UVSSA: variants seen among roughly 807,000 people sequenced by gnomAD.
The protein encoded by UVSSA is UV stimulated scaffold protein A.
Under a neutral mutation model 73.9 loss-of-function variants are expected in UVSSA, and 72 were observed. The ratio of observed to expected loss-of-function variants is 0.97; its 90% CI spans 0.81 to 1.19. The LOEUF (loss-of-function observed/expected upper bound fraction) is 1.19, where lower values mean the gene tolerates loss of function less well. Among genes scored for constraint, UVSSA ranks in the 50% most tolerant of loss-of-function variants. The probability of loss-of-function intolerance (pLI) is 0.00; values close to 1 mark genes in which losing one functional copy is unlikely to be tolerated. For missense variants in UVSSA, 1,150 were observed against 965.0 expected (o/e 1.19, Z -2.54); for synonymous variants, 454 against 391.3 (o/e 1.16, Z -1.89).
At chr4:1,361,731 C>T (rs1311057850) in intron 7 of UVSSA, among the ~76,000 whole-genome samples, 1 of 152,228 alleles carries the variant, frequency 6.6e-6, no homozygotes, top group Non-Finnish European at 1.5e-5. Context: ...TGACGACCAT[C>T]ACAGCTGAGC....
chr4:1,395,890 T>C, exon 14 of UVSSA: 1 of 1,594,796 alleles, frequency 6.3e-7, no homozygotes, highest in Non-Finnish European at 8.6e-7. Flanking sequence ...GAGGGTGTTT[T>C]TGTAAAATTG....
chr4:1,395,544 C>T (rs2109338679), exon 14 of UVSSA: 2 of 1,605,298 alleles, frequency 1.2e-6, no homozygotes, highest in East Asian at 2.2e-5. Context: ...CGCCTGCTCA[C>T]ACGTGCCCAT....
chr4:1,349,570 C>T lies in UVSSA; in HGVS notation c.145C>T (p.Gln49Ter), dbSNP rs753728742. Residue 49 changes from glutamine (Q) to a stop codon, truncating the protein, a stop_gained, in exon 3 of 14, where the codon CAG (glutamine) becomes TAG (stop). Coordinates refer to ENST00000389851, the MANE Select transcript of UVSSA (RefSeq NM_020894.4). LOFTEE classifies it high-confidence loss of function. ...LSRAYRLLIA[Q>*]LTQEHAEIRL... The stretch of plus-strand genomic sequence containing the variant: ...CCGCGCCTACCGCCTGCTGATAGCA[C>T]AGCTGACCCAGGAGCACGCCGAGAT... The T allele has an allele frequency of 6.2e-7, 1 of 1,614,036 alleles. No individual in the cohort carries two copies. Among genetic ancestry groups the T allele is most frequent in the South Asian group, 1.1e-5 (1 of 91,092 alleles).
intron 2 of UVSSA, 56 bp from the exon 3 acceptor site, chr4:1,349,468 C>G: frequency 6.4e-7 from 1 of 1,551,602 alleles, no homozygotes. Context: ...GGAGAGTCTC[C>G]CCCCGCCCAT....
In UVSSA at chr4:1,385,980, C is replaced by G. The variant is rs1314031289; in HGVS notation, c.*19C>G. The G allele has an allele frequency of 6.2e-7, 1 of 1,612,850 alleles. No individual in the cohort carries two copies. Among genetic ancestry groups the G allele is most frequent in the African/African-American group, 1.3e-5 (1 of 74,938 alleles). On this transcript the variant is annotated 3_prime_UTR_variant, in exon 14 of 14. Coordinates refer to ENST00000389851, the MANE Select transcript of UVSSA (RefSeq NM_020894.4). ...GAACTAGAGAGCGGGGCCCAGTGCACTGGCCATCAGCACTTTCTCCCTCTG... is the reference window on the plus strand; with the variant it reads ...GAACTAGAGAGCGGGGCCCAGTGCAGTGGCCATCAGCACTTTCTCCCTCTG...
In UVSSA at chr4:1,379,906, G is replaced by A. The variant is rs1217070944; in HGVS notation, c.1569-141G>A. ...AATTCAGACCCAGCCGGGAGTGACC[G>A]TGTTCTCCCTGGGTGCTGTCCACAG... On this transcript the variant is annotated intron_variant, in intron 10 of 13. Coordinates refer to ENST00000389851, the MANE Select transcript of UVSSA (RefSeq NM_020894.4). 36 of 629,096 alleles carry A rather than the reference G, an allele frequency of 5.7e-5. 1 individual carries two copies. Among genetic ancestry groups the A allele is most frequent in the African/African-American group, 2.9e-4 (6 of 20,588 alleles). The allele number at this position is 629,096 out of a possible 1,614,324, so 39.0% of individuals were successfully genotyped here. A position where few individuals can be genotyped will look rare whatever the true frequency, so the allele number is the denominator to read the frequency against.
rs138607842 is a variant in UVSSA at position 1,348,108 on chromosome 4, C to T, written c.17C>T (p.Ser6Leu). Residue 6 changes from serine to leucine, a missense_variant, in exon 2 of 14, where the codon TCG becomes TTG. By Grantham distance (145) the Ser-to-Leu change is moderately radical. Coordinates refer to ENST00000389851, the MANE Select transcript of UVSSA (RefSeq NM_020894.4). The stretch of plus-strand genomic sequence containing the variant: ...TTTCTAGATATGGATCAGAAACTTT[C>T]GAAGTTGGTAGAAGAGCTCACAACT... MDQKL[S>L]KLVEELTTSG... The T allele has an allele frequency of 1.0e-3, 1,607 of 1,613,478 alleles. 4 individuals carry two copies. Among genetic ancestry groups the T allele is most frequent in the Middle Eastern group, 9.9e-3 (60 of 6,060 alleles).
At chr4:1,354,298 G>A (rs1290459206) in intron 5 of UVSSA, among the ~76,000 whole-genome samples, 2 of 151,876 alleles carry the variant, frequency 1.3e-5, no homozygotes, top group Non-Finnish European at 2.9e-5. Context: ...CCACGGCAGG[G>A]CAGAACTGGA....
chr4:1,394,388 A>G (rs1720471403), exon 14 of UVSSA: 1 of 1,463,940 alleles, frequency 6.8e-7, no homozygotes, highest in Non-Finnish European at 9.3e-7. Context: ...TTCTTCTAGT[A>G]CTTTTATGGG....
rs139719436 is a variant in UVSSA, at chr4:1,355,156, C to T, written c.1087C>T (p.Arg363Cys). ...CGGGACCCACGGTGGATGTTTAAAGCGTGCCATTGACCTGAAGGCTGAATT... is the reference window on the plus strand; with the variant it reads ...CGGGACCCACGGTGGATGTTTAAAGTGTGCCATTGACCTGAAGGCTGAATT... The part of the protein sequence containing the change: ...RVGTHGGCLK[R>C]AIDLKAELEL... Residue 363 changes from arginine (R) to cysteine (C), a missense_variant, in exon 7 of 14, where the codon CGT (arginine) becomes TGT (cysteine). Coordinates refer to ENST00000389851, the MANE Select transcript of UVSSA (RefSeq NM_020894.4). 3.2e-4 allele frequency: 509 copies of T among 1,613,754 alleles called. No homozygotes were observed. Among genetic ancestry groups the T allele is most frequent in the Non-Finnish European group, 4.1e-4 (484 of 1,179,930 alleles).
intron 8 of UVSSA, among the ~76,000 whole-genome samples, chr4:1,369,529 T>C (rs1292852103): frequency 2.0e-5 from 3 of 152,274 alleles, no homozygotes; most frequent in African/African-American, 7.2e-5. Flanking sequence ...AACCGTGCTC[T>C]TTTTCTTTCT....
chr4:1,353,825 G>A (rs908786422), intron 5 of UVSSA, among the ~76,000 whole-genome samples: 7 of 152,206 alleles, frequency 4.6e-5, no homozygotes, highest in African/African-American at 1.2e-4. Context: ...GTCCCGTGTC[G>A]CCATGAGGGG....
intron 10 of UVSSA, among the ~76,000 whole-genome samples, chr4:1,376,806 C>T (rs1186811868): frequency 2.0e-5 from 3 of 152,206 alleles, no homozygotes; most frequent in Non-Finnish European, 4.4e-5. Flanking sequence ...CCCCTGCCGC[C>T]GCCTCAGCTC....
chr4:1,355,037 C>T, intron 6 of UVSSA, 80 bp from the exon 7 acceptor site: 1 of 1,577,486 alleles, frequency 6.3e-7, no homozygotes. Flanking sequence ...GCCAGTGGAC[C>T]TGGCATGTGC....
At chr4:1,345,704 G>T (rs1713614604), upstream of UVSSA, among the ~76,000 whole-genome samples, 1 of 150,240 alleles carries the variant, frequency 6.7e-6, no homozygotes, top group Admixed American at 6.6e-5. Context: ...GATACAGAGG[G>T]CAGTGGACGG....
upstream of UVSSA, among the ~76,000 whole-genome samples, chr4:1,342,614 A>G (rs1363495829): frequency 6.6e-6 from 1 of 152,210 alleles, no homozygotes; most frequent in African/African-American, 2.4e-5. Context: ...CAGAAGATTC[A>G]GTTTCGGCTT....
chr4:1,350,112 C>T (rs539542083), intron 3 of UVSSA, among the ~76,000 whole-genome samples: 1 of 148,284 alleles, frequency 6.7e-6, no homozygotes, highest in Admixed American at 6.7e-5. Context: ...GCTGAGGCTG[C>T]ATGTGTCATT....
At chr4:1,363,484 C>T (rs1416442822) in intron 7 of UVSSA, among the ~76,000 whole-genome samples, 1 of 152,114 alleles carries the variant, frequency 6.6e-6, no homozygotes, top group Non-Finnish European at 1.5e-5. Context: ...AAAACGACGC[C>T]CATATTTAAA....
At chr4:1,343,584 C>G (rs777013284), upstream of UVSSA, among the ~76,000 whole-genome samples, 4 of 152,052 alleles carry the variant, frequency 2.6e-5, no homozygotes, top group Non-Finnish European at 5.9e-5. Context: ...GTCAGGAATT[C>G]GAGACCAGCC....
Sources: allele counts gnomAD v4.1 joint callset (sites outside exome capture counted in the v4.1 genomes callset), GRCh38; gene constraint gnomAD v4.1.1; transcripts MANE v1.5; gene names NCBI Gene and HGNC (gene_info 2026-07-23, HGNC 2026-07-21).